CAMTA1: variants seen among roughly 807,000 people sequenced by gnomAD.
CAMTA1 encodes the protein calmodulin-binding transcription activator 1.
A neutral mutation model predicts 170.9 loss-of-function variants in CAMTA1; 27 were observed. The ratio of observed to expected loss-of-function variants is 0.16; its 90% CI spans 0.12 to 0.22. The LOEUF (loss-of-function observed/expected upper bound fraction) is 0.22, where lower values mean the gene tolerates loss of function less well. Among genes scored for constraint, CAMTA1 ranks in the 10% least tolerant of loss-of-function variants. CAMTA1 has a pLI of 1.00. For synonymous variants in CAMTA1, 833 were observed against 891.5 expected (o/e 0.93, Z 1.17); for missense variants, 1,619 against 2,217.2 (o/e 0.73, Z 5.42).
intron 5 of CAMTA1, among the ~76,000 whole-genome samples, chr1:7,307,845 A>T (rs1004941035): frequency 2.6e-5 from 4 of 152,038 alleles, no homozygotes; most frequent in Admixed American, 2.6e-4. Context: ...TTTTGGTATC[A>T]AGATGTTACT....
At chr1:7,401,175 C>T (rs998851004) in intron 5 of CAMTA1, among the ~76,000 whole-genome samples, 8 of 152,166 alleles carry the variant, frequency 5.3e-5, no homozygotes, top group African/African-American at 1.9e-4. Context: ...TTTGCATTAA[C>T]ATTTGTATAC....
chr1:7,590,869 T>C (rs1162168842), intron 6 of CAMTA1, among the ~76,000 whole-genome samples: 1 of 152,204 alleles, frequency 6.6e-6, no homozygotes, highest in Non-Finnish European at 1.5e-5. Flanking sequence ...AGAATCAGGA[T>C]CACCAGACAA....
intron 6 of CAMTA1, among the ~76,000 whole-genome samples, chr1:7,584,612 G>T (rs547259587): frequency 1.3e-5 from 2 of 152,302 alleles, no homozygotes; most frequent in South Asian, 4.1e-4. Flanking sequence ...ACTGGATGCT[G>T]GGTATGCAGC....
intron 6 of CAMTA1, among the ~76,000 whole-genome samples, chr1:7,486,656 C>G (rs1490798398): frequency 1.3e-5 from 2 of 152,224 alleles, no homozygotes; most frequent in African/African-American, 2.4e-5. Context: ...TAAGGCTTAG[C>G]TAATCTCAGG....
rs896947824 is a variant in CAMTA1, at chr1:7,568,908, T to C, written c.511-71492T>C. ...GCATCACCATCACCACCACCATCCA[T>C]CATCAACATCACCATCATCATCATC... On this transcript the variant is annotated intron_variant, in intron 6 of 22. Transcript: ENST00000303635. Among the ~76,000 whole-genome samples, 3 of 149,448 alleles carry C rather than the reference T, an allele frequency of 2.0e-5. No homozygotes were observed. In the East Asian group the frequency reaches 6.2e-4, roughly 31 times the overall value.
intron 1 of CAMTA1, among the ~76,000 whole-genome samples, chr1:6,807,523 A>G (rs1644657889): frequency 6.6e-6 from 1 of 152,164 alleles, no homozygotes; most frequent in Admixed American, 6.5e-5. Flanking sequence ...GATCGAGACC[A>G]TCCTGGCTAA....
chr1:6,925,230 G>A (rs1682854984), intron 3 of CAMTA1, among the ~76,000 whole-genome samples: 1 of 152,200 alleles, frequency 6.6e-6, no homozygotes, highest in Non-Finnish European at 1.5e-5. Flanking sequence ...GCCTCTAGAA[G>A]CTTCGCCTTG....
chr1:6,828,890 G>GTTT (rs1026284603), intron 3 of CAMTA1, among the ~76,000 whole-genome samples: 69 of 101,966 alleles, frequency 6.8e-4, no homozygotes, highest in East Asian at 2.5e-3. Context: ...CTGTAACGTA[G>GTTT]TTTTTTTTTT....
intron 6 of CAMTA1, among the ~76,000 whole-genome samples, chr1:7,573,730 C>T (rs111993744): frequency 7.2e-5 from 11 of 152,248 alleles, no homozygotes; most frequent in African/African-American, 2.6e-4. Flanking sequence ...CATCTAGGAC[C>T]ACTCTACCGC....
rs1054960345 is a variant in CAMTA1, at chr1:6,849,942, C to T, written c.234+24732C>T. On this transcript the variant is annotated intron_variant, in intron 3 of 22. Transcript: ENST00000303635. ...CCCAGCTACTTGGCAGGCTGAGGCA[C>T]GAGAATCACTTGAACCTGGGAGGTG... 1.0e-4 allele frequency among the ~76,000 whole-genome samples: 15 copies of T among 148,628 alleles called. No homozygotes were observed. In the East Asian group the frequency reaches 2.0e-3, roughly 20 times the overall value.
At chr1:7,726,306 T>C (rs983794095) in intron 11 of CAMTA1, among the ~76,000 whole-genome samples, 2 of 152,208 alleles carry the variant, frequency 1.3e-5, no homozygotes, top group Non-Finnish European at 2.9e-5. Context: ...ACATGGCTGA[T>C]AGCTCAGTGT....
chr1:7,218,956 G>C (rs1336600713), intron 4 of CAMTA1, among the ~76,000 whole-genome samples: 1 of 152,110 alleles, frequency 6.6e-6, no homozygotes, highest in African/African-American at 2.4e-5. Context: ...TTACCTTGGC[G>C]ACCTGGAAGT....
Position 7,732,675 on chromosome 1 carries a change from G to C in CAMTA1, c.3066+76G>C. 1 of 1,480,628 alleles carries C rather than the reference G, an allele frequency of 6.8e-7. No individual in the cohort carries two copies. Among genetic ancestry groups the C allele is most frequent in the Non-Finnish European group, 9.0e-7 (1 of 1,111,960 alleles). 91.7% of individuals were successfully genotyped at this position (1,480,628 alleles called of 1,614,324 possible). Reference sequence around the variant, plus strand: ...TTGGCGAGGCAGTGGATGGATCACAGGCCTCTTCTCTGCTGCTGATGCGGT... The same window carrying C: ...TTGGCGAGGCAGTGGATGGATCACACGCCTCTTCTCTGCTGCTGATGCGGT... On this transcript the variant is annotated intron_variant, in intron 12 of 22. Coordinates refer to ENST00000303635, the MANE Select transcript of CAMTA1 (RefSeq NM_015215.4). The surrounding 1 kb of genome is among the most constrained non-coding windows in gnomAD (Gnocchi z 4.1).
In CAMTA1 at chr1:7,663,700, G is replaced by C; in HGVS notation, c.1153G>C (p.Ala385Pro). 3 of 1,614,108 alleles carry C rather than the reference G, an allele frequency of 1.9e-6. No individual in the cohort carries two copies. The highest frequency in any genetic ancestry group is 2.5e-6 in the Non-Finnish European group (3 of 1,180,032). Residue 385 changes from alanine to proline, a missense_variant, in exon 9 of 23, where the codon GCG becomes CCG. By Grantham distance (27) the Ala-to-Pro change is conservative. Transcript: ENST00000303635. ...SPVVTGVSGM[A>P]VASVMGSLSQ... is the part of the protein sequence containing the mutation. ...GGTGGTCACAGGTGTGTCCGGTATG[G>C]CGGTGGCCTCTGTGATGGGGAGCTT...
chr1:6,789,455 T>C (rs1640396084), intron 1 of CAMTA1, among the ~76,000 whole-genome samples: 1 of 152,222 alleles, frequency 6.6e-6, no homozygotes, highest in Non-Finnish European at 1.5e-5. Context: ...TTTTCCCCAC[T>C]GTTTCATTAC....
At chr1:7,277,276 AAAGT>A (rs1230457508) in intron 5 of CAMTA1, among the ~76,000 whole-genome samples, 14 of 152,250 alleles carry the variant, frequency 9.2e-5, no homozygotes, top group Non-Finnish European at 1.9e-4. Context: ...TATAAAAATC[AAAGT>A]AAAGTTAAAA....
chr1:7,554,527 AG>A (rs1258323329), intron 6 of CAMTA1, among the ~76,000 whole-genome samples: 2 of 152,182 alleles, frequency 1.3e-5, no homozygotes, highest in African/African-American at 4.8e-5. Flanking sequence ...CTGGCCCTAC[AG>A]CTGTCAGCTG....
rs530574822 is a variant in CAMTA1 at position 7,007,243 on chromosome 1, A to G, written c.235-84061A>G. ...AGCATCGACCAGGAGAGGGGTCCAC[A>G]TTGTCACAGCAGCTTGGAGCGTGGA... On this transcript the variant is annotated intron_variant, in intron 3 of 22. Coordinates refer to ENST00000303635, the MANE Select transcript of CAMTA1 (RefSeq NM_015215.4). This position sits in a 1 kb window ranked among gnomAD's most constrained non-coding sequence, Gnocchi z 4.5. 5.9e-5 allele frequency among the ~76,000 whole-genome samples: 9 copies of G among 152,262 alleles called. 1 individual carries two copies. The East Asian group carries it at 1.7e-3, about 30-fold the overall frequency.
In CAMTA1 at chr1:7,732,972, T is replaced by C. The variant is rs1401218083; in HGVS notation, c.3066+373T>C. Among the ~76,000 whole-genome samples the C allele has an allele frequency of 6.6e-6, 1 of 152,130 alleles. No individual in the cohort carries two copies. The highest frequency in any genetic ancestry group is 2.4e-5 in the African/African-American group (1 of 41,424). ...GCTGTAGGAGGCCAAGACGGGAGGA[T>C]TGCTTGAGCCCAGGAGTTCACGACC... is the stretch of plus-strand genomic sequence containing the variant. On this transcript the variant is annotated intron_variant, in intron 12 of 22. Transcript: ENST00000303635. This position sits in a 1 kb window ranked among gnomAD's most constrained non-coding sequence, Gnocchi z 4.1.
Sources: allele counts gnomAD v4.1 joint callset (sites outside exome capture counted in the v4.1 genomes callset), GRCh38; gene constraint gnomAD v4.1.1; non-coding constraint Gnocchi (gnomAD v3.1); transcripts MANE v1.5; gene names NCBI Gene and HGNC (gene_info 2026-07-23, HGNC 2026-07-21).